The following URB1 variants were observed in gnomAD, a reference collection of about 807,000 sequenced individuals.
URB1 encodes URB1 ribosome biogenesis factor.
URB1 carries 197 observed loss-of-function variants against 242.3 expected under a neutral mutation model. The ratio of observed to expected loss-of-function variants is 0.81; its 90% confidence interval spans 0.72 to 0.91. The LOEUF is 0.91. Ranked by LOEUF, URB1 falls within the 40% of genes least tolerant of loss-of-function variation. The pLI is 0.00. For missense variants in URB1, 2,721 were observed against 2,860.5 expected (o/e 0.95, Z 1.11); for synonymous variants, 1,153 against 1,201.8 (o/e 0.96, Z 0.84).
At chr21:32,360,264 TTTGTGGA>T (rs1377391096) in intron 13 of URB1, among the ~76,000 whole-genome samples, 3 of 152,106 alleles carry the variant, frequency 2.0e-5, no homozygotes, top group Non-Finnish European at 4.4e-5. Context: ...CAGCAAGCAT[TTTGTGGA>T]CAGAGACTGC....
rs878893475 is a variant in URB1 at position 32,352,857 on chromosome 21, G to A, written c.2466C>T (p.His822=). 9.0e-6 allele frequency: 14 copies of A among 1,551,628 alleles called. No individual in the cohort carries two copies. Among genetic ancestry groups the A allele is most frequent in the Middle Eastern group, 1.7e-4 (1 of 5,992 alleles). Residue 822 remains histidine, a synonymous_variant, in exon 19 of 39, where the codon CAC becomes CAT. Transcript: ENST00000382751. ...YLTAVLTDLL[H]TQRDPLALCL... is the part of the protein sequence containing the mutation. ...ACAGAGCCAGGGGGTCCCTCTGGGT[G>A]TGGAGGAGGTCAGTCAGCACTGCCG... is the stretch of plus-strand genomic sequence containing the variant.
chr21:32,349,480 C>T lies in URB1; in HGVS notation c.2836G>A (p.Gly946Ser). ...AGGAGGGGCGGGCCCACACTTCTGC[C>T]CAGCTGTGAGGACAAGAGCACGAGC... ...RSTVENFGQLGRSVGPPLLQL... is the reference protein window; with the variant it reads ...RSTVENFGQLSRSVGPPLLQL... Residue 946 changes from glycine to serine, a missense_variant, in exon 21 of 39, where the codon GGC becomes AGC. Transcript: ENST00000382751. 6.5e-7 allele frequency: 1 copy of T among 1,546,424 alleles called. No individual in the cohort carries two copies.
chr21:32,349,687 CAA>C (rs1007696437), intron 20 of URB1, among the ~76,000 whole-genome samples: 2 of 152,236 alleles, frequency 1.3e-5, no homozygotes, highest in Non-Finnish European at 2.9e-5. Flanking sequence ...TGGTGAAACA[CAA>C]AGGTTGTTTT....
At chr21:32,346,302 A>G (rs751242646) in intron 22 of URB1, among the ~76,000 whole-genome samples, 2 of 152,212 alleles carry the variant, frequency 1.3e-5, no homozygotes, top group African/African-American at 2.4e-5. Context: ...TCTTTTCTTT[A>G]TAAATCACTC....
intron 1 of URB1, among the ~76,000 whole-genome samples, chr21:32,386,800 G>C (rs1292979662): frequency 6.6e-6 from 1 of 152,102 alleles, no homozygotes; most frequent in African/African-American, 2.4e-5. Context: ...CTAGGTACTA[G>C]TATTTCACAG....
rs889952035 is a variant in URB1 at position 32,347,363 on chromosome 21, C to G, written c.3461G>C (p.Gly1154Ala). The G allele has an allele frequency of 6.4e-7, 1 of 1,551,282 alleles. No homozygotes were observed. Among genetic ancestry groups the G allele is most frequent in the African/African-American group, 1.4e-5 (1 of 73,048 alleles). The change falls in exon 22 of 39, where the codon GGA (glycine) becomes GCA (alanine). Residue 1154 changes from glycine to alanine, a missense_variant. Transcript: ENST00000382751. ...GGTCAGCAGCTGCACCAGGGTCTTT[C>G]CAAGAGCATTCAGGTGTCTTTCCTT... ...PGKERHLNAL[G>A]KTLVQLLTCS...
In URB1 at chr21:32,311,379, C is replaced by T. The variant is rs542394013; in HGVS notation, c.*3539G>A. The stretch of plus-strand genomic sequence containing the variant: ...AAATGAACTACACTCAGATACAGCG[C>T]TGGATGGGAGGTCAACCTGCTCCCC... On this transcript the variant is annotated 3_prime_UTR_variant, in exon 39 of 39. Transcript: ENST00000382751. The T allele has an allele frequency of 1.7e-5, 8 of 459,680 alleles. No individual in the cohort carries two copies. Among genetic ancestry groups the T allele is most frequent in the Middle Eastern group, 5.8e-4 (1 of 1,732 alleles). 28.5% of individuals were successfully genotyped at this position (459,680 alleles called of 1,614,324 possible). A position where few individuals can be genotyped will look rare whatever the true frequency, so the allele number is the denominator to read the frequency against.
intron 2 of URB1, 142 bp from the exon 3 acceptor site, chr21:32,384,606 C>G: frequency 2.8e-6 from 3 of 1,081,056 alleles, no homozygotes; most frequent in Non-Finnish European, 3.9e-6. Context: ...GATCCTGAGT[C>G]AAACGCGACA....
chr21:32,353,908 AGACATCCT>A lies in URB1; in HGVS notation c.2416+17_2416+24del. 1 of 1,549,582 alleles carries A rather than the reference AGACATCCT, an allele frequency of 6.5e-7. No individual in the cohort carries two copies. Among genetic ancestry groups the A allele is most frequent in the Non-Finnish European group, 8.7e-7 (1 of 1,145,818 alleles). On this transcript the variant is annotated intron_variant, in intron 18 of 38. Coordinates refer to ENST00000382751, the MANE Select transcript of URB1 (RefSeq NM_014825.3). The stretch of plus-strand genomic sequence containing the variant: ...CAGACTAGCCGGCCAGGTGCAGCCA[AGACATCCT>A]GACTATACATAGGTACCTGCTTCAT...
At chr21:32,328,636 A>G (rs1469511936) in intron 30 of URB1, among the ~76,000 whole-genome samples, 1 of 152,228 alleles carries the variant, frequency 6.6e-6, no homozygotes, top group Non-Finnish European at 1.5e-5. Flanking sequence ...CTAAACATTT[A>G]GTTTATACTC....
At chr21:32,322,659 A>T in intron 32 of URB1, 75 bp from the exon 33 acceptor site, 1 of 1,071,464 alleles carries the variant, frequency 9.3e-7, no homozygotes, top group Non-Finnish European at 1.4e-6. Flanking sequence ...ACTAAGAGGC[A>T]GGCATTCTGG....
intron 16 of URB1, 25 bp from the exon 17 acceptor site, chr21:32,355,022 A>G: frequency 6.5e-7 from 1 of 1,536,566 alleles, no homozygotes; most frequent in Non-Finnish European, 8.8e-7. Flanking sequence ...GCCAAATAGA[A>G]AGCATTCAGA....
At chr21:32,374,508 A>G (rs2033438636) in intron 6 of URB1, among the ~76,000 whole-genome samples, 1 of 152,216 alleles carries the variant, frequency 6.6e-6, no homozygotes, top group Admixed American at 6.5e-5. Context: ...AGGGGATACA[A>G]CACTTCCTCC....
intron 1 of URB1, among the ~76,000 whole-genome samples, chr21:32,390,225 C>T (rs1036696984): frequency 6.6e-6 from 1 of 152,188 alleles, no homozygotes. Flanking sequence ...TGATGTAGCA[C>T]CTGAATGTCA....
chr21:32,336,060 A>G (rs1184689423), intron 28 of URB1, among the ~76,000 whole-genome samples: 2 of 152,136 alleles, frequency 1.3e-5, no homozygotes, highest in Non-Finnish European at 2.9e-5. Flanking sequence ...TCTTCCTCAC[A>G]TAAGAAGGGC....
At chr21:32,380,239 G>C (rs1046321706) in intron 4 of URB1, among the ~76,000 whole-genome samples, 2 of 152,110 alleles carry the variant, frequency 1.3e-5, no homozygotes, top group African/African-American at 4.8e-5. Flanking sequence ...CTGGAGAAAA[G>C]GAAGGCTATC....
At chr21:32,321,712 C>G (rs764490029) in intron 34 of URB1, 89 bp downstream of exon 34, 32 of 1,514,860 alleles carry the variant, frequency 2.1e-5, no homozygotes, top group Non-Finnish European at 2.8e-5. Flanking sequence ...AGGCTGGGAA[C>G]TGAATTCATA....
chr21:32,322,894 T>C (rs992272750), intron 32 of URB1, among the ~76,000 whole-genome samples: 3 of 151,984 alleles, frequency 2.0e-5, no homozygotes, highest in Non-Finnish European at 4.4e-5. Context: ...GTGGGAAGGG[T>C]GGGACTTGGT....
chr21:32,321,922 A>G lies in URB1; in HGVS notation c.5363T>C (p.Val1788Ala). The change falls in exon 34 of 39, where the codon GTG (valine) becomes GCG (alanine). Residue 1788 changes from valine to alanine, a missense_variant. Coordinates refer to ENST00000382751, the MANE Select transcript of URB1 (RefSeq NM_014825.3). ...GATCCCCTGCCGCAGAACGCCAAAC[A>G]CCCACTTCTGCTCTGTTTTTTGCTA... is the stretch of plus-strand genomic sequence containing the variant. ...DFEQKTEQKW[V>A]FGVLRQGIRD... 1.3e-6 allele frequency: 2 copies of G among 1,551,500 alleles called. No homozygotes were observed. The highest frequency in any genetic ancestry group is 1.7e-6 in the Non-Finnish European group (2 of 1,146,964).
Sources: gnomAD v4.1 joint callset for allele counts (sites outside exome capture counted in the v4.1 genomes callset) on GRCh38, gnomAD v4.1.1 for gene constraint, MANE v1.5 for transcripts, NCBI Gene and HGNC (gene_info 2026-07-23, HGNC 2026-07-21) for gene names.